GRXCR1: variants seen among roughly 807,000 people sequenced by gnomAD.
GRXCR1 encodes the protein glutaredoxin domain-containing cysteine-rich protein 1.
In GRXCR1, 27 loss-of-function variants were observed where a neutral mutation model predicts 27.3. The observed-to-expected ratio is 0.99, with a 90% confidence interval of 0.73 to 1.37. GRXCR1 has a LOEUF of 1.37. GRXCR1 is among the 40% of genes most tolerant of loss of function. The pLI is 0.00. For synonymous variants in GRXCR1, 122 were observed against 131.1 expected (o/e 0.93, Z 0.47); for missense variants, 379 against 354.4 (o/e 1.07, Z -0.56).
chr4:43,024,197 CTTT>C (rs60704333), intron 3 of GRXCR1, among the ~76,000 whole-genome samples: 5 of 94,250 alleles, frequency 5.3e-5, no homozygotes, highest in Non-Finnish European at 5.9e-5. Context: ...ATTTTCTGTC[CTTT>C]TTTTTTTTTT....
At chr4:42,919,843 C>T (rs1746968949) in intron 1 of GRXCR1, among the ~76,000 whole-genome samples, 1 of 152,060 alleles carries the variant, frequency 6.6e-6, no homozygotes, top group Admixed American at 6.6e-5. Context: ...ATTTCTTCAT[C>T]ATTTATATTA....
At chr4:42,964,235 A>C (rs1052077714) in intron 2 of GRXCR1, among the ~76,000 whole-genome samples, 1 of 151,976 alleles carries the variant, frequency 6.6e-6, no homozygotes, top group African/African-American at 2.4e-5. Context: ...AATCATGGTA[A>C]AAAAATAAAT....
chr4:42,898,531 A>G (rs1257776241), intron 1 of GRXCR1, among the ~76,000 whole-genome samples: 1 of 152,082 alleles, frequency 6.6e-6, no homozygotes, highest in Non-Finnish European at 1.5e-5. Flanking sequence ...ATAGAATAAT[A>G]GTTCAGTAAA....
chr4:42,976,061 G>A (rs1350642745), intron 2 of GRXCR1, among the ~76,000 whole-genome samples: 1 of 152,052 alleles, frequency 6.6e-6, no homozygotes, highest in Non-Finnish European at 1.5e-5. Flanking sequence ...CCATGACTTT[G>A]CCTCTTTGAG....
chr4:42,904,377 A>G (rs534142384), intron 1 of GRXCR1, among the ~76,000 whole-genome samples: 1 of 152,324 alleles, frequency 6.6e-6, no homozygotes, highest in African/African-American at 2.4e-5. Context: ...AGTTCTAGAA[A>G]TCAAAGCCCC....
chr4:42,900,734 C>T (rs761958421), intron 1 of GRXCR1, among the ~76,000 whole-genome samples: 9 of 151,972 alleles, frequency 5.9e-5, no homozygotes, highest in African/African-American at 1.2e-4. Flanking sequence ...TGGAGACTAA[C>T]GAGGGTCATC....
chr4:43,006,986 C>A (rs116728241), intron 2 of GRXCR1, among the ~76,000 whole-genome samples: 2 of 152,172 alleles, frequency 1.3e-5, no homozygotes, highest in African/African-American at 4.8e-5. Context: ...GCAGGTTCCC[C>A]GATAAAGGAG....
chr4:42,894,900 A>G (rs1746314326), intron 1 of GRXCR1, among the ~76,000 whole-genome samples: 1 of 152,156 alleles, frequency 6.6e-6, no homozygotes, highest in Non-Finnish European at 1.5e-5. Flanking sequence ...TAAGGAGTAG[A>G]CCAAGATTTT....
chr4:42,957,470 G>T (rs1335097560), intron 1 of GRXCR1, among the ~76,000 whole-genome samples: 2 of 151,816 alleles, frequency 1.3e-5, no homozygotes, highest in South Asian at 4.2e-4. Context: ...CTTTCTTTAG[G>T]TTTGGAAAGT....
rs1200825482 is a variant in GRXCR1 at position 43,002,609 on chromosome 4, T to G, written c.628-17745T>G. On this transcript the variant is annotated intron_variant, in intron 2 of 3. Coordinates refer to ENST00000399770, the MANE Select transcript of GRXCR1 (RefSeq NM_001080476.3). ...TTTCAAAATGGAGTCTCTTATGTCT[T>G]CCCTTTCTACATAGACACAGTGACA... 9.2e-5 allele frequency among the ~76,000 whole-genome samples: 14 copies of G among 152,310 alleles called. No individual in the cohort carries two copies. The East Asian group carries it at 2.7e-3, about 29-fold the overall frequency.
chr4:42,987,241 A>ATTATATATATATT (rs1276367661), intron 2 of GRXCR1, among the ~76,000 whole-genome samples: 2 of 66,466 alleles, frequency 3.0e-5, no homozygotes, highest in Non-Finnish European at 6.2e-5. Flanking sequence ...ATATATATAT[A>ATTATATATATATT]ATATATAATA....
At chr4:42,924,265 A>G (rs191706910) in intron 1 of GRXCR1, among the ~76,000 whole-genome samples, 50 of 152,188 alleles carry the variant, frequency 3.3e-4, no homozygotes, top group African/African-American at 1.2e-3. Context: ...AGAAATATTT[A>G]TGTGAAACAA....
intron 1 of GRXCR1, among the ~76,000 whole-genome samples, chr4:42,956,014 G>A (rs1217445917): frequency 6.6e-6 from 1 of 152,092 alleles, no homozygotes; most frequent in Non-Finnish European, 1.5e-5. Flanking sequence ...GTCCCAAGAT[G>A]AGGGGGTGAC....
chr4:42,948,106 T>C (rs1357111165), intron 1 of GRXCR1, among the ~76,000 whole-genome samples: 1 of 152,152 alleles, frequency 6.6e-6, no homozygotes, highest in Non-Finnish European at 1.5e-5. Flanking sequence ...GTGGAGCACA[T>C]AGACAAATTC....
At chr4:42,988,340 T>C (rs1422550860) in intron 2 of GRXCR1, among the ~76,000 whole-genome samples, 1 of 152,186 alleles carries the variant, frequency 6.6e-6, no homozygotes, top group African/African-American at 2.4e-5. Context: ...TTTCCGTCAT[T>C]TCTCAGGTAA....
In GRXCR1 at chr4:42,965,705, C is replaced by A. The variant is rs371277751; in HGVS notation, c.627+2571C>A. Among the ~76,000 whole-genome samples the A allele has an allele frequency of 5.3e-5, 8 of 151,868 alleles. No individual in the cohort carries two copies. In the South Asian group the frequency reaches 1.7e-3, roughly 32 times the overall value. ...AATCAAGATTTGTGAATCATCTGCA[C>A]AATACAATTTTTTTATAGGAAGGAG... On this transcript the variant is annotated intron_variant, in intron 2 of 3. Transcript: ENST00000399770.
intron 2 of GRXCR1, among the ~76,000 whole-genome samples, chr4:42,993,340 A>G (rs903541384): frequency 6.6e-6 from 1 of 152,046 alleles, no homozygotes; most frequent in Non-Finnish European, 1.5e-5. Flanking sequence ...CCCCGAGCTG[A>G]AAAAATGGTA....
At chr4:42,906,103 G>A (rs912953521) in intron 1 of GRXCR1, among the ~76,000 whole-genome samples, 3 of 151,964 alleles carry the variant, frequency 2.0e-5, no homozygotes, top group Non-Finnish European at 4.4e-5. Context: ...ATTTTCTCAG[G>A]TTCACAGCTT....
intron 1 of GRXCR1, among the ~76,000 whole-genome samples, chr4:42,957,777 T>C (rs909021862): frequency 3.3e-5 from 5 of 151,710 alleles, no homozygotes; most frequent in Admixed American, 1.3e-4. Flanking sequence ...CTTGATTCTT[T>C]TATTAAATTA....
Sources: allele counts gnomAD v4.1 joint callset (sites outside exome capture counted in the v4.1 genomes callset), GRCh38; gene constraint gnomAD v4.1.1; transcripts MANE v1.5; gene names NCBI Gene and HGNC (gene_info 2026-07-23, HGNC 2026-07-21).